The following FAIM2 variants were observed in gnomAD, a reference collection of about 807,000 sequenced individuals.
The protein encoded by FAIM2 is protein lifeguard 2.
FAIM2 carries 27 observed loss-of-function variants against 47.4 expected under a neutral mutation model. The observed-to-expected ratio is 0.57, with a 90% CI of 0.42 to 0.78. FAIM2 has a LOEUF of 0.78. FAIM2 is among the 30% of genes least tolerant of loss of function. The pLI, the probability that FAIM2 is intolerant of heterozygous loss-of-function variation, is 0.00. For synonymous variants in FAIM2, 156 were observed against 159.3 expected, an observed-to-expected ratio of 0.98 and a Z score of 0.16; for missense variants, 311 against 389.4, an observed-to-expected ratio of 0.80 and a Z score of 1.69.
intron 11 of FAIM2, among the ~76,000 whole-genome samples, chr12:49,883,684 C>T (rs551364456): frequency 5.1e-4 from 78 of 152,132 alleles, no homozygotes; most frequent in South Asian, 5.0e-3. Flanking sequence ...TGCCTGAGAC[C>T]CTGAGGGAGC....
chr12:49,892,464 C>T (rs1946907304), intron 5 of FAIM2, among the ~76,000 whole-genome samples: 2 of 152,218 alleles, frequency 1.3e-5, no homozygotes. Context: ...CCAACAAACA[C>T]AGTCTCAGCA....
At chr12:49,889,042 C>T (rs934987764) in intron 10 of FAIM2, 65 bp downstream of exon 10, 19 of 1,193,646 alleles carry the variant, frequency 1.6e-5, no homozygotes, top group South Asian at 5.2e-5. Flanking sequence ...GGGGAGGGAA[C>T]GGCACCTTGG....
intron 11 of FAIM2, among the ~76,000 whole-genome samples, chr12:49,876,969 G>A (rs1395471794): frequency 6.6e-6 from 1 of 152,190 alleles, no homozygotes; most frequent in Non-Finnish European, 1.5e-5. Flanking sequence ...AGAATGGTAA[G>A]AGGAGCAGCA....
At chr12:49,883,250 A>C (rs1158147409) in intron 11 of FAIM2, among the ~76,000 whole-genome samples, 1 of 152,196 alleles carries the variant, frequency 6.6e-6, no homozygotes, top group Non-Finnish European at 1.5e-5. Flanking sequence ...GATGCAGGGC[A>C]CAGGGGCAGC....
At chr12:49,891,175 C>A in intron 5 of FAIM2, 61 bp from the exon 6 acceptor site, 1 of 1,512,562 alleles carries the variant, frequency 6.6e-7, no homozygotes, top group Non-Finnish European at 9.2e-7. Context: ...CCCCCAAGAT[C>A]CCCTGCTTAT....
chr12:49,892,462 C>T (rs1281683340), intron 5 of FAIM2, among the ~76,000 whole-genome samples: 1 of 152,194 alleles, frequency 6.6e-6, no homozygotes, highest in Non-Finnish European at 1.5e-5. Flanking sequence ...GCCCAACAAA[C>T]ACAGTCTCAG....
intron 9 of FAIM2, 38 bp downstream of exon 9, chr12:49,889,443 C>T (rs759267308): frequency 2.1e-5 from 34 of 1,583,984 alleles, no homozygotes; most frequent in Non-Finnish European, 6.9e-6. Context: ...TGCTCAGCCT[C>T]AGGCCAGGGG....
chr12:49,897,563 A>G lies in FAIM2; in HGVS notation c.336T>C (p.Ile112=). The G allele has an allele frequency of 6.2e-7, 1 of 1,614,048 alleles. No homozygotes were observed. Among genetic ancestry groups the G allele is most frequent in the Non-Finnish European group, 8.5e-7 (1 of 1,179,946 alleles). The change falls in exon 4 of 12, where the codon ATT becomes ATC. Residue 112 remains isoleucine (I), a synonymous_variant. Coordinates refer to ENST00000320634, the MANE Select transcript of FAIM2 (RefSeq NM_012306.4). ...FVRKVYTILL[I]QLLVTLAVVA... is the part of the protein sequence containing the mutation. ...CGACAGCCAAGGTCACCAGCAGCTG[A>G]ATCAGCAGGATGGTGTAGACCTGGG...
At chr12:49,879,761 T>C (rs1291214538) in intron 11 of FAIM2, among the ~76,000 whole-genome samples, 1 of 151,788 alleles carries the variant, frequency 6.6e-6, no homozygotes, top group Non-Finnish European at 1.5e-5. Context: ...CATGTATGTG[T>C]GTGCACGTGT....
At chr12:49,878,424 GTA>G (rs1565613202) in intron 11 of FAIM2, among the ~76,000 whole-genome samples, 2 of 98,858 alleles carry the variant, frequency 2.0e-5, no homozygotes, top group South Asian at 3.6e-4. Context: ...GTATGTGTGT[GTA>G]TATGTGCAAG....
At chr12:49,880,562 ATGTG>A (rs1358900656) in intron 11 of FAIM2, among the ~76,000 whole-genome samples, 1 of 10,344 alleles carries the variant, frequency 9.7e-5, no homozygotes, top group African/African-American at 9.4e-4. Flanking sequence ...GTGTGTGTGC[ATGTG>A]TGTATCTGTG....
At chr12:49,876,860 T>C (rs933706181) in intron 11 of FAIM2, among the ~76,000 whole-genome samples, 2 of 152,216 alleles carry the variant, frequency 1.3e-5, no homozygotes, top group African/African-American at 2.4e-5. Flanking sequence ...GTTACACTAT[T>C]CATCCATTAC....
chr12:49,885,057 C>T (rs993571573), intron 11 of FAIM2, among the ~76,000 whole-genome samples: 1 of 152,230 alleles, frequency 6.6e-6, no homozygotes, highest in Non-Finnish European at 1.5e-5. Flanking sequence ...GGCTGCCTGC[C>T]CCCACTCCCT....
chr12:49,889,225 G>A, intron 9 of FAIM2, 23 bp from the exon 10 acceptor site: 1 of 1,582,566 alleles, frequency 6.3e-7, no homozygotes, highest in Non-Finnish European at 8.6e-7. Context: ...GATGGGGTTA[G>A]CTGCAGGAGC....
chr12:49,895,063 G>A (rs945137861), intron 5 of FAIM2, among the ~76,000 whole-genome samples: 4 of 151,892 alleles, frequency 2.6e-5, no homozygotes, highest in Non-Finnish European at 5.9e-5. Context: ...TGTGGAGCGG[G>A]CAGGGCAGGG....
intron 11 of FAIM2, among the ~76,000 whole-genome samples, chr12:49,876,740 C>T (rs1946739543): frequency 6.6e-6 from 1 of 152,034 alleles, no homozygotes; most frequent in African/African-American, 2.4e-5. Flanking sequence ...CCACTGCTCT[C>T]CAGCCTGGGT....
chr12:49,883,571 A>G (rs1203650171), intron 11 of FAIM2, among the ~76,000 whole-genome samples: 14 of 152,150 alleles, frequency 9.2e-5, no homozygotes, highest in Non-Finnish European at 5.9e-5. Flanking sequence ...GACCCTCACT[A>G]GGCAACCGGA....
At chr12:49,887,577 A>G in intron 10 of FAIM2, 138 bp from the exon 11 acceptor site, 2 of 732,608 alleles carry the variant, frequency 2.7e-6, no homozygotes, top group Non-Finnish European at 4.7e-6. Flanking sequence ...CAGGACTGAC[A>G]GTGGCCCCTG....
At chr12:49,877,832 GCGTA>G (rs1592784644) in intron 11 of FAIM2, among the ~76,000 whole-genome samples, 1 of 151,940 alleles carries the variant, frequency 6.6e-6, no homozygotes, top group East Asian at 1.9e-4. Context: ...GTGTCTATGT[GCGTA>G]TATGTGTGTA....
Sources: gnomAD v4.1 joint callset for allele counts (sites outside exome capture counted in the v4.1 genomes callset) on GRCh38, gnomAD v4.1.1 for gene constraint, MANE v1.5 for transcripts, NCBI Gene and HGNC (gene_info 2026-07-23, HGNC 2026-07-21) for gene names.